The following DDX60L variants were observed in gnomAD, a reference collection of about 807,000 sequenced individuals.
DDX60L encodes the protein DExD/H-box 60 like, also known as probable ATP-dependent RNA helicase DDX60-like.
DDX60L carries 191 observed loss-of-function variants against 211.6 expected under a neutral mutation model. The ratio of observed to expected loss-of-function variants is 0.90; its 90% CI spans 0.80 to 1.02. The LOEUF is 1.02. Among genes scored for constraint, DDX60L ranks in the 50% least tolerant of loss-of-function variants. DDX60L has a pLI of 0.00. For synonymous variants in DDX60L, 706 were observed against 694.1 expected (o/e 1.02, Z -0.27); for missense variants, 2,007 against 1,984.1 (o/e 1.01, Z -0.22).
At chr4:168,441,524 A>G in intron 9 of DDX60L, 32 bp from the exon 10 acceptor site, 1 of 1,549,414 alleles carries the variant, frequency 6.5e-7, no homozygotes, top group Non-Finnish European at 8.8e-7. Flanking sequence ...TAAAATCTCA[A>G]AAGTCATACA....
At position 168,445,673 on chromosome 4, in the gene DDX60L, T is replaced by C. The variant is rs969860439; in HGVS notation, c.1138+2965A>G. On this transcript the variant is annotated intron_variant, in intron 9 of 37. Transcript: ENST00000682922. ...AAATCCAGCAGCACATCCAAAAGCT[T>C]ATCCACCATGATCAAGTGGGCTTCA... Among the ~76,000 whole-genome samples the C allele has an allele frequency of 7.9e-5, 12 of 151,886 alleles. No homozygotes were observed. The East Asian group carries it at 1.2e-3, about 15-fold the overall frequency.
At chr4:168,398,108 T>C (rs1347803911) in intron 26 of DDX60L, among the ~76,000 whole-genome samples, 1 of 152,080 alleles carries the variant, frequency 6.6e-6, no homozygotes, top group East Asian at 1.9e-4. Context: ...CCCAGGCATC[T>C]CCACACTCTC....
chr4:168,430,845 G>A (rs1159871053), intron 12 of DDX60L, among the ~76,000 whole-genome samples: 2 of 152,112 alleles, frequency 1.3e-5, no homozygotes, highest in Admixed American at 6.5e-5. Context: ...CTAAGTACCT[G>A]GACATTGCCC....
chr4:168,400,682 C>G, intron 26 of DDX60L, 144 bp downstream of exon 26: 1 of 656,486 alleles, frequency 1.5e-6, no homozygotes, highest in South Asian at 2.1e-5. Flanking sequence ...CCCATCCTCC[C>G]ACCCAAATTT....
intron 12 of DDX60L, among the ~76,000 whole-genome samples, chr4:168,430,843 C>G (rs576003604): frequency 9.9e-5 from 15 of 152,164 alleles, no homozygotes; most frequent in African/African-American, 3.6e-4. Flanking sequence ...GTCTAAGTAC[C>G]TGGACATTGC....
At chr4:168,378,288 T>C (rs1413364197) in intron 33 of DDX60L, 66 bp downstream of exon 33, 1 of 974,676 alleles carries the variant, frequency 1.0e-6, no homozygotes, top group African/African-American at 1.6e-5. Flanking sequence ...AGGTACTGAA[T>C]GCTTTCCAGT....
At chr4:168,369,488 A>AAAAACC (rs1553987223) in intron 36 of DDX60L, among the ~76,000 whole-genome samples, 7 of 147,006 alleles carry the variant, frequency 4.8e-5, no homozygotes, top group African/African-American at 7.5e-5. Flanking sequence ...AAAAACAAAA[A>AAAAACC]AAAAAAAACA....
At chr4:168,380,870 C>T (rs1742821649) in intron 30 of DDX60L, 2 of 152,150 alleles carry the variant, frequency 1.3e-5, no homozygotes, top group Non-Finnish European at 2.9e-5. Flanking sequence ...AATGAGGTCT[C>T]AGATGGAGAT....
chr4:168,452,791 C>G (rs936955436), intron 8 of DDX60L, among the ~76,000 whole-genome samples: 1 of 152,024 alleles, frequency 6.6e-6, no homozygotes, highest in Non-Finnish European at 1.5e-5. Context: ...CTTTAATACA[C>G]TTTTATTAAA....
intron 36 of DDX60L, among the ~76,000 whole-genome samples, chr4:168,371,194 T>C (rs181775689): frequency 6.6e-6 from 1 of 151,510 alleles, no homozygotes; most frequent in African/African-American, 2.4e-5. Flanking sequence ...ATACTAATAA[T>C]TTAGTATAGT....
chr4:168,477,837 G>T (rs1759794367), intron 1 of DDX60L, among the ~76,000 whole-genome samples: 1 of 152,188 alleles, frequency 6.6e-6, no homozygotes, highest in Admixed American at 6.5e-5. Flanking sequence ...AATGTCTATA[G>T]TGTTTTAGTT....
At chr4:168,458,089 CA>C in intron 5 of DDX60L, 81 bp from the exon 6 acceptor site, 1 of 770,864 alleles carries the variant, frequency 1.3e-6, no homozygotes, top group East Asian at 2.7e-5. Flanking sequence ...TGAGGCAAAT[CA>C]AAACCACAAT....
At chr4:168,480,060 C>T (rs1311530007) in intron 1 of DDX60L, 1 of 151,874 alleles carries the variant, frequency 6.6e-6, no homozygotes, top group African/African-American at 2.4e-5. Context: ...TGTCCAGGTT[C>T]GAATGGCTGT....
At position 168,379,468 on chromosome 4, in the gene DDX60L, C is replaced by A; in HGVS notation, c.4258G>T (p.Ala1420Ser). The A allele has an allele frequency of 6.3e-7, 1 of 1,585,614 alleles. No homozygotes were observed. Among genetic ancestry groups the A allele is most frequent in the Non-Finnish European group, 8.5e-7 (1 of 1,172,078 alleles). Reference sequence around the variant, plus strand: ...CCATGCAAATATGATGCAAGTCCTGCAAATTTCTTTGGATTACCCTTTTTA... The same window carrying A: ...CCATGCAAATATGATGCAAGTCCTGAAAATTTCTTTGGATTACCCTTTTTA... Reference protein sequence around the residue: ...LNKKGNPKKFAGLASYLHGHE... With the variant: ...LNKKGNPKKFSGLASYLHGHE... Residue 1420 changes from alanine to serine, a missense_variant, in exon 32 of 38, where the codon GCA becomes TCA. Ala to Ser is a moderately conservative substitution (Grantham distance 99). Coordinates refer to ENST00000682922, the MANE Select transcript of DDX60L (RefSeq NM_001012967.3).
At chr4:168,462,575 G>A (rs1757455344) in intron 4 of DDX60L, among the ~76,000 whole-genome samples, 1 of 152,190 alleles carries the variant, frequency 6.6e-6, no homozygotes, top group Admixed American at 6.5e-5. Context: ...CAGTTTAGGA[G>A]GCCGAGGTGG....
At chr4:168,396,225 G>A (rs1033515661) in intron 26 of DDX60L, 101 bp from the exon 27 acceptor site, 52 of 657,474 alleles carry the variant, frequency 7.9e-5, no homozygotes, top group Non-Finnish European at 1.2e-4. Flanking sequence ...GTCATCCGAC[G>A]TTGACAGTAG....
chr4:168,415,675 A>T lies in DDX60L; in HGVS notation c.2851T>A (p.Ser951Thr). The change falls in exon 21 of 38, where the codon TCA (serine) becomes ACA (threonine). Residue 951 changes from serine to threonine, a missense_variant. Transcript: ENST00000682922. ...FLQDHSYKNQ[S>T]YEVRLVLCGE... ...AGCTTACCAAGTCTAACTTCATATG[A>T]TTGATTTTTATATGAATGGTCTTGG... is the stretch of plus-strand genomic sequence containing the variant. 1 of 1,592,892 alleles carries T rather than the reference A, an allele frequency of 6.3e-7. No individual in the cohort carries two copies. Among genetic ancestry groups the T allele is most frequent in the Non-Finnish European group, 8.6e-7 (1 of 1,169,354 alleles).
At chr4:168,409,923 T>A (rs914402811) in intron 22 of DDX60L, among the ~76,000 whole-genome samples, 1 of 152,136 alleles carries the variant, frequency 6.6e-6, no homozygotes, top group African/African-American at 2.4e-5. Flanking sequence ...ACATTTATTA[T>A]AAAGATGTTG....
intron 9 of DDX60L, 115 bp from the exon 10 acceptor site, chr4:168,441,607 C>T: frequency 1.2e-6 from 1 of 839,872 alleles, no homozygotes; most frequent in Non-Finnish European, 1.8e-6. Context: ...AATATGGAAA[C>T]TTACAGTGAG....
Sources: gnomAD v4.1 joint callset for allele counts (sites outside exome capture counted in the v4.1 genomes callset) on GRCh38, gnomAD v4.1.1 for gene constraint, MANE v1.5 for transcripts, NCBI Gene and HGNC (gene_info 2026-07-23, HGNC 2026-07-21) for gene names.